The following DDB1 variants were observed in gnomAD, a reference collection of about 807,000 sequenced individuals.
DDB1 encodes the protein damage specific DNA binding protein 1.
Under a neutral mutation model 133.1 loss-of-function variants are expected in DDB1, and 18 were observed. The ratio of observed to expected loss-of-function variants is 0.14; its 90% CI spans 0.09 to 0.20. The LOEUF is 0.20. Among genes scored for constraint, DDB1 ranks in the 10% least tolerant of loss-of-function variants. DDB1 has a pLI of 1.00. For synonymous variants in DDB1, 580 were observed against 550.5 expected (o/e 1.05, Z -0.75); for missense variants, 828 against 1,459.2 (o/e 0.57, Z 7.05).
intron 2 of DDB1, 145 bp downstream of exon 2, chr11:61,331,398 T>C (rs1856364684): frequency 3.7e-6 from 4 of 1,079,974 alleles, no homozygotes; most frequent in African/African-American, 1.6e-5. Context: ...GTGGAGGGAT[T>C]GCTTGAGCTC....
intron 9 of DDB1, chr11:61,322,029 T>A (rs1856188289): frequency 1.8e-6 from 1 of 541,442 alleles, no homozygotes; most frequent in South Asian, 2.7e-5. Flanking sequence ...AGTTACTTAA[T>A]CTTTCTCAGC....
At chr11:61,317,108 TTTTG>T (rs56705462) in intron 10 of DDB1, among the ~76,000 whole-genome samples, 9,501 of 150,688 alleles carry the variant, frequency 0.063, 932 homozygotes, top group African/African-American at 0.21. Flanking sequence ...AATAGTTTTG[TTTTG>T]TTTGTTTGCT....
At chr11:61,313,836 T>C (rs1266877832) in intron 15 of DDB1, 26 bp downstream of exon 15, 2 of 1,609,562 alleles carry the variant, frequency 1.2e-6, no homozygotes, top group Admixed American at 1.7e-5. Flanking sequence ...TTTGAAAGAG[T>C]CCCTCACTCA....
chr11:61,329,887 C>T, intron 3 of DDB1, 71 bp downstream of exon 3: 1 of 1,335,200 alleles, frequency 7.5e-7, no homozygotes, highest in South Asian at 1.2e-5. Context: ...GCCCCCAGCA[C>T]TTTAATTTTT....
rs28720265 is a variant in DDB1 at position 61,328,276 on chromosome 11, C to T, written c.549+1087G>A. Among the ~76,000 whole-genome samples the T allele has an allele frequency of 8.5e-5, 13 of 152,312 alleles. No individual in the cohort carries two copies. In the East Asian group the frequency reaches 2.3e-3, roughly 27 times the overall value. Reference sequence around the variant, plus strand: ...CAATAGCTTCAGAACTACAGTAACACTAAGAAATATACAAAAATATATCAG... The same window carrying T: ...CAATAGCTTCAGAACTACAGTAACATTAAGAAATATACAAAAATATATCAG... On this transcript the variant is annotated intron_variant, in intron 4 of 26. Coordinates refer to ENST00000301764, the MANE Select transcript of DDB1 (RefSeq NM_001923.5).
chr11:61,330,422 G>T (rs1054306607), intron 2 of DDB1, among the ~76,000 whole-genome samples: 1 of 22,496 alleles, frequency 4.4e-5, no homozygotes, highest in Admixed American at 1.1e-3. Context: ...CCAAGTATTT[G>T]AAGAAAGAGG....
At chr11:61,323,430 G>C in intron 7 of DDB1, 1 of 295,278 alleles carries the variant, frequency 3.4e-6, no homozygotes, top group Non-Finnish European at 6.5e-6. Context: ...CTTTTTTTGA[G>C]ACAGGGTCTC....
At position 61,329,980 on chromosome 11, in the gene DDB1, G is replaced by A. The variant is rs754320597; in HGVS notation, c.305C>T (p.Thr102Met). ...CACCTGGACATTGCCATGGGCTCGC[G>A]TAATGATGTCAATGCTCTCGCCACT... ...KQSGESIDII[T>M]RAHGNVQDRI... Residue 102 changes from threonine to methionine, a missense_variant, in exon 3 of 27, where the codon ACG becomes ATG. By Grantham distance (81) the Thr-to-Met change is moderately conservative. This residue lies in a region of DDB1 where 210 missense variants were observed against 344.8 expected (regional missense o/e 0.61). Coordinates refer to ENST00000301764, the MANE Select transcript of DDB1 (RefSeq NM_001923.5). 2 of 1,613,416 alleles carry A rather than the reference G, an allele frequency of 1.2e-6. No homozygotes were observed. The highest frequency in any genetic ancestry group is 2.2e-5 in the East Asian group (1 of 44,844).
chr11:61,322,956 G>C (rs1856207455), intron 8 of DDB1, 55 bp downstream of exon 8: 2 of 1,429,118 alleles, frequency 1.4e-6, no homozygotes, highest in African/African-American at 1.4e-5. Context: ...GGAGAAATTT[G>C]ATGAAGAAAC....
At chr11:61,321,985 C>G in intron 9 of DDB1, 1 of 536,838 alleles carries the variant, frequency 1.9e-6, no homozygotes, top group Non-Finnish European at 3.3e-6. Context: ...GTTAGATACA[C>G]CTGCCACTTA....
rs1040671730 is a variant in DDB1 at position 61,312,344 on chromosome 11, A to G, written c.2070-260T>C. 5.3e-5 allele frequency among the ~76,000 whole-genome samples: 8 copies of G among 152,162 alleles called. No homozygotes were observed. The South Asian group carries it at 1.0e-3, about 20-fold the overall frequency. ...AATGTGCAACCAGTTAAAAAAATCA[A>G]CGCTCCAGGAATGTGACTTTCAAAC... On this transcript the variant is annotated intron_variant, in intron 16 of 26. Coordinates refer to ENST00000301764, the MANE Select transcript of DDB1 (RefSeq NM_001923.5).
rs1132797 is a variant in DDB1 at position 61,299,782 on chromosome 11, T to C, written c.*354A>G. 0.03 allele frequency: 10,307 copies of C among 340,974 alleles called. 569 individuals carry two copies. Among genetic ancestry groups the C allele is most frequent in the African/African-American group, 0.16 (7,367 of 46,374 alleles). The allele number at this position is 340,974 out of a possible 1,614,324, so 21.1% of individuals were successfully genotyped here. A position where few individuals can be genotyped will look rare whatever the true frequency, so the allele number is the denominator to read the frequency against. On this transcript the variant is annotated 3_prime_UTR_variant, in exon 27 of 27. Coordinates refer to ENST00000301764, the MANE Select transcript of DDB1 (RefSeq NM_001923.5). ...ACAATGCATGAGTGTGAGATACACA[T>C]ACACACACACACATACACACACACA... is the stretch of plus-strand genomic sequence containing the variant.
At chr11:61,304,471 A>AAAAG (rs960649442) in intron 21 of DDB1, among the ~76,000 whole-genome samples, 30 of 152,226 alleles carry the variant, frequency 2.0e-4, no homozygotes, top group Admixed American at 6.5e-4. Context: ...TGTCTCAAAA[A>AAAAG]AAAGAAAGAA....
rs1856027112 is a variant in DDB1 at position 61,314,230 on chromosome 11, G to C, written c.1590-20C>G. 1 of 1,591,770 alleles carries C rather than the reference G, an allele frequency of 6.3e-7. No homozygotes were observed. The highest frequency in any genetic ancestry group is 1.4e-5 in the African/African-American group (1 of 74,062). ...GTGTGGCTGAACAAAGAAGAATATG[G>C]CAGAGGAAGGAATCCAAGGCTCAAA... On this transcript the variant is annotated intron_variant, in intron 13 of 26. Transcript: ENST00000301764.
At chr11:61,303,268 T>C (rs751405538) in intron 22 of DDB1, 113 bp from the exon 23 acceptor site, 16 of 909,806 alleles carry the variant, frequency 1.8e-5, no homozygotes, top group African/African-American at 1.2e-4. Context: ...GCAGAAGATA[T>C]AGCATGGTGT....
Position 61,329,347 on chromosome 11 carries a change from C to T in DDB1, c.549+16G>A, listed in dbSNP as rs1467178669. The T allele has an allele frequency of 2.5e-6, 4 of 1,613,204 alleles. No individual in the cohort carries two copies. The highest frequency in any genetic ancestry group is 1.3e-5 in the African/African-American group (1 of 75,054). On this transcript the variant is annotated intron_variant, in intron 4 of 26. Transcript: ENST00000301764. ...TCAACCTCACAGTTTCTCGCTCTCT[C>T]TTCCTGATCCAGTACCTGGTAGACA...
chr11:61,325,854 T>C (rs780990648), intron 5 of DDB1, 146 bp from the exon 6 acceptor site: 5 of 714,800 alleles, frequency 7.0e-6, no homozygotes, highest in Middle Eastern at 4.6e-4. Flanking sequence ...GGGAACATGA[T>C]AGCCTTTACG....
At chr11:61,312,267 T>C (rs1483620065) in intron 16 of DDB1, among the ~76,000 whole-genome samples, 183 bp from the exon 17 acceptor site, 3 of 152,182 alleles carry the variant, frequency 2.0e-5, no homozygotes, top group Non-Finnish European at 1.5e-5. Context: ...TCTTATTTCA[T>C]TGGTCTGGGT....
chr11:61,325,694 C>A lies in DDB1; in HGVS notation c.679G>T (p.Gly227Trp), dbSNP rs752937876. ...SMVIAVPEPF[G>W]GAIIIGQESI... ...TCCTGTCCAATGATGATGGCCCCCC[C>A]AAAGGGCTCTGGGACTGCAGGAAAG... Residue 227 changes from glycine to tryptophan, a missense_variant, in exon 6 of 27, where the codon GGG becomes TGG. Physicochemically the swap from Gly to Trp is radical, Grantham distance 184. Coordinates refer to ENST00000301764, the MANE Select transcript of DDB1 (RefSeq NM_001923.5). 2 of 1,612,838 alleles carry A rather than the reference C, an allele frequency of 1.2e-6. No homozygotes were observed. Among genetic ancestry groups the A allele is most frequent in the Non-Finnish European group, 1.7e-6 (2 of 1,179,474 alleles).
Sources: allele counts gnomAD v4.1 joint callset (sites outside exome capture counted in the v4.1 genomes callset), GRCh38; gene constraint gnomAD v4.1.1; regional missense constraint gnomAD v4.1.1; transcripts MANE v1.5; gene names NCBI Gene and HGNC (gene_info 2026-07-23, HGNC 2026-07-21).